LCORL: variants seen among roughly 807,000 people sequenced by gnomAD.
The protein encoded by LCORL is ligand-dependent nuclear receptor corepressor-like protein.
In LCORL, 41 loss-of-function variants were observed where a neutral mutation model predicts 141.8. The ratio of observed to expected loss-of-function variants is 0.29; its 90% CI spans 0.23 to 0.38. LCORL has a LOEUF of 0.38. LCORL is among the 10% of genes least tolerant of loss of function. LCORL has a pLI of 1.00. For synonymous variants in LCORL, 618 were observed against 694.1 expected (o/e 0.89, Z 1.72); for missense variants, 1,759 against 2,035.0 (o/e 0.86, Z 2.61).
chr4:17,867,891 G>A (rs1417650967), intron 7 of LCORL, among the ~76,000 whole-genome samples: 1 of 152,098 alleles, frequency 6.6e-6, no homozygotes, highest in African/African-American at 2.4e-5. Context: ...AAATATTATG[G>A]CAAAAGTTAG....
intron 2 of LCORL, among the ~76,000 whole-genome samples, chr4:17,963,802 G>A (rs1221631920): frequency 1.3e-5 from 2 of 152,006 alleles, no homozygotes; most frequent in East Asian, 1.9e-4. Flanking sequence ...CTTAACCCTT[G>A]CAGCAGAAAC....
At chr4:17,914,556 AACAG>A (rs1466034483) in intron 4 of LCORL, among the ~76,000 whole-genome samples, 1 of 152,182 alleles carries the variant, frequency 6.6e-6, no homozygotes, top group Non-Finnish European at 1.5e-5. Flanking sequence ...GAGGGAGCAA[AACAG>A]ACAGACAGAC....
rs1727104684 is a variant in LCORL, at chr4:17,878,076, T to A, written c.914A>T (p.Gln305Leu). 4.1e-6 allele frequency: 5 copies of A among 1,230,620 alleles called. No homozygotes were observed. The South Asian group carries it at 2.1e-4, about 51-fold the overall frequency. 76.2% of individuals were successfully genotyped at this position (1,230,620 alleles called of 1,614,324 possible). The change falls in exon 7 of 8, where the codon CAG becomes CTG. Residue 305 changes from glutamine (Q) to leucine (L), a missense_variant. By Grantham distance (113) the Gln-to-Leu change is moderately radical (BLOSUM62 -2). Coordinates refer to ENST00000635767, the Ensembl canonical transcript of LCORL. The stretch of plus-strand genomic sequence containing the variant: ...ACAACAGCAAAGAGAAGCAGCATTC[T>A]GCTCTTGGACTAGAAATTTCAACAT...
rs557111463 is a variant in LCORL at position 17,902,147 on chromosome 4, AAG to A, written c.682+6945_682+6946del. Among the ~76,000 whole-genome samples the A allele has an allele frequency of 1.6e-3, 251 of 152,240 alleles. 1 individual carries two copies. Among genetic ancestry groups the A allele is most frequent in the African/African-American group, 5.2e-3 (218 of 41,554 alleles). ...AAAAAGCCAATATGAAGACTAAAGA[AAG>A]AGAGACACAAGATGTGGCTGGATAG... On this transcript the variant is annotated intron_variant, in intron 5 of 7. Coordinates refer to ENST00000635767, the Ensembl canonical transcript of LCORL.
chr4:17,988,592 G>T (rs528022936), intron 1 of LCORL, among the ~76,000 whole-genome samples: 169 of 151,924 alleles, frequency 1.1e-3, no homozygotes, highest in African/African-American at 3.6e-3. Flanking sequence ...AATATTCTTA[G>T]TAACATTTTA....
intron 1 of LCORL, among the ~76,000 whole-genome samples, chr4:17,980,492 A>C (rs1243882317): frequency 6.6e-6 from 1 of 152,226 alleles, no homozygotes; most frequent in Non-Finnish European, 1.5e-5. Context: ...CCTCTTGTTT[A>C]AACAGCCATG....
At chr4:18,018,228 C>T (rs1724917612) in intron 1 of LCORL, among the ~76,000 whole-genome samples, 1 of 152,076 alleles carries the variant, frequency 6.6e-6, no homozygotes, top group East Asian at 1.9e-4. Flanking sequence ...TTATATTATA[C>T]ATTTCATAAG....
At chr4:17,963,997 GT>G (rs1360293562) in intron 2 of LCORL, among the ~76,000 whole-genome samples, 1 of 152,004 alleles carries the variant, frequency 6.6e-6, no homozygotes, top group Non-Finnish European at 1.5e-5. Context: ...AGATAATAAA[GT>G]TTTTCTTTTT....
intron 4 of LCORL, among the ~76,000 whole-genome samples, chr4:17,911,411 C>T (rs1014970277): frequency 3.3e-5 from 5 of 152,100 alleles, no homozygotes; most frequent in East Asian, 3.9e-4. Flanking sequence ...CATGTGTAAA[C>T]GGCATCTAGT....
intron 4 of LCORL, among the ~76,000 whole-genome samples, chr4:17,952,241 G>T (rs1305990903): frequency 1.3e-5 from 2 of 151,854 alleles, no homozygotes; most frequent in African/African-American, 4.8e-5. Flanking sequence ...CAAAAAACAG[G>T]GCCCCAAATA....
intron 6 of LCORL, chr4:17,880,348 T>C: frequency 1.6e-6 from 1 of 644,818 alleles, no homozygotes; most frequent in Non-Finnish European, 1.9e-6. Context: ...AAATATCCAG[T>C]CTAGAATTTA....
intron 1 of LCORL, among the ~76,000 whole-genome samples, chr4:18,005,717 G>A (rs555920136): frequency 1.3e-5 from 2 of 152,298 alleles, no homozygotes; most frequent in South Asian, 2.1e-4. Context: ...CTGAGGCCAC[G>A]GCCCGAGCTC....
chr4:17,923,655 C>A (rs1365770032), intron 4 of LCORL, among the ~76,000 whole-genome samples: 1 of 151,722 alleles, frequency 6.6e-6, no homozygotes, highest in East Asian at 2.0e-4. Context: ...CCGTGCCCCA[C>A]CCTCCCCCAA....
chr4:17,874,730 G>A (rs1726731947), exon 7 of LCORL: 16 of 1,233,758 alleles, frequency 1.3e-5, no homozygotes, highest in Non-Finnish European at 1.6e-5. Flanking sequence ...TGAGCAAAGG[G>A]TTTGATGAAA....
intron 4 of LCORL, among the ~76,000 whole-genome samples, chr4:17,916,160 C>T (rs886895358): frequency 6.6e-6 from 1 of 152,156 alleles, no homozygotes; most frequent in African/African-American, 2.4e-5. Context: ...CGTCCTTGAC[C>T]CTTCCCTAAT....
chr4:18,019,701 C>T (rs1465012746), intron 1 of LCORL, among the ~76,000 whole-genome samples: 1 of 151,364 alleles, frequency 6.6e-6, no homozygotes, highest in Admixed American at 6.6e-5. Context: ...AAAAAACCAA[C>T]CAAAATATTC....
intron 4 of LCORL, among the ~76,000 whole-genome samples, chr4:17,944,238 T>C (rs1738462927): frequency 6.6e-6 from 1 of 152,226 alleles, no homozygotes; most frequent in Non-Finnish European, 1.5e-5. Context: ...CTTTAAAATG[T>C]ACAATTAAAT....
In LCORL at chr4:17,884,207, T is replaced by G; in HGVS notation, c.776+1861A>C. The stretch of plus-strand genomic sequence containing the variant: ...TGATCCTTCTAGGACTGAAGAGGTT[T>G]TGGAAACTTGATACATAACATCCAA... On this transcript the variant is annotated intron_variant, in intron 6 of 7. Coordinates refer to ENST00000635767, the Ensembl canonical transcript of LCORL. This position sits in a 1 kb window ranked among gnomAD's most constrained non-coding sequence, Gnocchi z 4.4. The G allele has an allele frequency of 1.3e-6, 2 of 1,549,900 alleles. No individual in the cohort carries two copies. Among genetic ancestry groups the G allele is most frequent in the Non-Finnish European group, 1.7e-6 (2 of 1,146,124 alleles).
At chr4:18,020,108 A>C (rs553915312) in intron 1 of LCORL, among the ~76,000 whole-genome samples, 2 of 152,324 alleles carry the variant, frequency 1.3e-5, no homozygotes, top group East Asian at 1.9e-4. Flanking sequence ...AATGCCCCCT[A>C]AAGTAACCTT....
Sources: allele counts gnomAD v4.1 joint callset (sites outside exome capture counted in the v4.1 genomes callset), GRCh38; gene constraint gnomAD v4.1.1; non-coding constraint Gnocchi (gnomAD v3.1); transcripts MANE v1.5; gene names NCBI Gene and HGNC (gene_info 2026-07-23, HGNC 2026-07-21).